SUPT3H: variants seen among roughly 807,000 people sequenced by gnomAD.
SUPT3H encodes transcription initiation protein SPT3 homolog.
In SUPT3H, 44 loss-of-function variants were observed where a neutral mutation model predicts 44.3. That is an observed-to-expected ratio of 0.99 (90% CI 0.78 to 1.28). The LOEUF (loss-of-function observed/expected upper bound fraction) is 1.28. SUPT3H is among the 50% of genes most tolerant of loss of function. The probability of loss-of-function intolerance (pLI) is 0.00; values close to 1 mark genes in which losing one functional copy is unlikely to be tolerated. For missense variants in SUPT3H, 380 were observed against 387.1 expected (o/e 0.98, Z 0.15); for synonymous variants, 124 against 125.6 (o/e 0.99, Z 0.09).
intron 5 of SUPT3H, among the ~76,000 whole-genome samples, chr6:45,010,144 G>A (rs747851026): frequency 2.6e-5 from 4 of 151,910 alleles, no homozygotes; most frequent in Non-Finnish European, 4.4e-5. Flanking sequence ...GGTGTGCATA[G>A]CTGATATATT....
At chr6:44,899,404 T>G (rs1290138864) in intron 10 of SUPT3H, 1 of 152,184 alleles carries the variant, frequency 6.6e-6, no homozygotes, top group African/African-American at 2.4e-5. Context: ...AAAGTTATAA[T>G]GTGGCCGGTG....
At position 45,306,514 on chromosome 6, in the gene SUPT3H, G is replaced by A. The variant is rs550569190; in HGVS notation, c.101+58687C>T. ...CCTAACCAACAAGCGCCCTCATAAG[G>A]TGAAGGTCTTTCCATAGCAAAACTA... On this transcript the variant is annotated intron_variant, in intron 2 of 10. Transcript: ENST00000371459. 9.9e-5 allele frequency among the ~76,000 whole-genome samples: 15 copies of A among 152,246 alleles called. No homozygotes were observed. In the South Asian group the frequency reaches 3.1e-3, roughly 32 times the overall value.
chr6:44,852,707 T>C lies in SUPT3H; in HGVS notation c.913-22850A>G, dbSNP rs58808511. Among the ~76,000 whole-genome samples the C allele has an allele frequency of 7.6e-3, 1,164 of 152,350 alleles. 21 individuals are homozygous for C. Among genetic ancestry groups the C allele is most frequent in the African/African-American group, 0.026 (1,098 of 41,582 alleles). On this transcript the variant is annotated intron_variant, in intron 10 of 10. Transcript: ENST00000371459. The stretch of plus-strand genomic sequence containing the variant: ...AAGAACAGCTATGGTAAATTCTCTA[T>C]ATTTTTAACCTTTAAGTGTTTTATT...
intron 2 of SUPT3H, among the ~76,000 whole-genome samples, chr6:45,157,816 G>A (rs973269081): frequency 6.6e-6 from 1 of 151,590 alleles, no homozygotes; most frequent in Non-Finnish European, 1.5e-5. Context: ...CAAGTGCTGG[G>A]ATTACAGGAG....
chr6:44,938,210 CTTATCT>C (rs1771812313), intron 9 of SUPT3H, among the ~76,000 whole-genome samples: 1 of 151,498 alleles, frequency 6.6e-6, no homozygotes, highest in South Asian at 2.1e-4. Flanking sequence ...AGTTTCAGGT[CTTATCT>C]TTAAGTCTTT....
intron 2 of SUPT3H, among the ~76,000 whole-genome samples, chr6:45,334,449 CAAAAAAAAA>C (rs551014969): frequency 1.1e-5 from 1 of 91,760 alleles, no homozygotes; most frequent in Non-Finnish European, 2.1e-5. Flanking sequence ...TCAGGAAAAG[CAAAAAAAAA>C]AAAAAAAAAA....
intron 3 of SUPT3H, among the ~76,000 whole-genome samples, chr6:45,053,774 G>A (rs1358265923): frequency 6.7e-6 from 1 of 149,218 alleles, no homozygotes; most frequent in Non-Finnish European, 1.5e-5. Flanking sequence ...AATTAGCCGG[G>A]CGTGGTGATG....
At chr6:45,173,258 C>T (rs1335987605) in intron 2 of SUPT3H, among the ~76,000 whole-genome samples, 1 of 152,126 alleles carries the variant, frequency 6.6e-6, no homozygotes, top group East Asian at 1.9e-4. Context: ...TAAACTTAAA[C>T]AGAACATTTT....
intron 10 of SUPT3H, among the ~76,000 whole-genome samples, chr6:44,840,181 T>C (rs1464085746): frequency 6.6e-6 from 1 of 152,266 alleles, no homozygotes; most frequent in Non-Finnish European, 1.5e-5. Flanking sequence ...TCTATTCATG[T>C]AGCAGTCAAA....
intron 3 of SUPT3H, among the ~76,000 whole-genome samples, chr6:45,077,539 A>G (rs972613633): frequency 6.8e-6 from 1 of 147,468 alleles, no homozygotes; most frequent in African/African-American, 2.5e-5. Flanking sequence ...TGGTGGGAGG[A>G]TCACTTGAGC....
Position 45,315,950 on chromosome 6 carries a change from T to C in SUPT3H, c.101+49251A>G, listed in dbSNP as rs912745845. Among the ~76,000 whole-genome samples the C allele has an allele frequency of 4.6e-5, 7 of 151,744 alleles. No homozygotes were observed. The South Asian group carries it at 1.0e-3, about 22-fold the overall frequency. ...ATAGATAGATAGATAGATAGATAGA[T>C]AGATAGATAGATAGATAGATAGATG... On this transcript the variant is annotated intron_variant, in intron 2 of 10. Coordinates refer to ENST00000371459, the MANE Select transcript of SUPT3H (RefSeq NM_003599.4).
At chr6:45,293,887 ACAG>A (rs1199290407) in intron 2 of SUPT3H, among the ~76,000 whole-genome samples, 2 of 150,906 alleles carry the variant, frequency 1.3e-5, no homozygotes, top group African/African-American at 4.9e-5. Flanking sequence ...AGATGGATTC[ACAG>A]CAGAATTCTA....
intron 10 of SUPT3H, among the ~76,000 whole-genome samples, chr6:44,898,507 G>T (rs1764452780): frequency 6.6e-6 from 1 of 152,198 alleles, no homozygotes; most frequent in Non-Finnish European, 1.5e-5. Flanking sequence ...CAACCTCACA[G>T]GAAATTCCAA....
At chr6:44,981,589 G>A (rs914311838) in intron 6 of SUPT3H, among the ~76,000 whole-genome samples, 18 of 152,096 alleles carry the variant, frequency 1.2e-4, no homozygotes, top group African/African-American at 3.4e-4. Context: ...AAAGATTAGC[G>A]TGAGTGGTAA....
chr6:44,935,412 T>C (rs140792853), intron 9 of SUPT3H, among the ~76,000 whole-genome samples: 7 of 152,328 alleles, frequency 4.6e-5, no homozygotes, highest in African/African-American at 1.4e-4. Flanking sequence ...ATTATACTTA[T>C]ACATCAATTC....
intron 2 of SUPT3H, among the ~76,000 whole-genome samples, chr6:45,211,568 G>T (rs906336187): frequency 7.9e-5 from 12 of 151,986 alleles, no homozygotes; most frequent in African/African-American, 2.7e-4. Context: ...AGAGAATTCT[G>T]GGCCAGGCGT....
chr6:45,323,959 T>C (rs1420660625), intron 2 of SUPT3H, among the ~76,000 whole-genome samples: 2 of 152,110 alleles, frequency 1.3e-5, no homozygotes, highest in African/African-American at 4.8e-5. Flanking sequence ...ATTATTTTTC[T>C]TTGGTTTTGT....
At chr6:45,016,959 A>G (rs1784382188) in intron 4 of SUPT3H, among the ~76,000 whole-genome samples, 1 of 150,418 alleles carries the variant, frequency 6.6e-6, no homozygotes. Context: ...CAGTCCCACC[A>G]ACAGTGTAAA....
chr6:44,870,772 C>T (rs575090623), intron 10 of SUPT3H, among the ~76,000 whole-genome samples: 131 of 150,630 alleles, frequency 8.7e-4, no homozygotes, highest in African/African-American at 2.8e-3. Flanking sequence ...AGAGAGTGGG[C>T]GCAGGCCAGT....
Sources: gnomAD v4.1 joint callset for allele counts (sites outside exome capture counted in the v4.1 genomes callset) on GRCh38, gnomAD v4.1.1 for gene constraint, MANE v1.5 for transcripts, NCBI Gene and HGNC (gene_info 2026-07-23, HGNC 2026-07-21) for gene names.